TTC23L: variants seen among roughly 807,000 people sequenced by gnomAD.
The protein encoded by TTC23L is tetratricopeptide repeat protein 23-like.
TTC23L carries 42 observed loss-of-function variants against 48.1 expected under a neutral mutation model. That is an observed-to-expected ratio of 0.87 (90% confidence interval 0.68 to 1.13). The LOEUF is 1.13. Among genes scored for constraint, TTC23L ranks in the 50% most tolerant of loss-of-function variants. The pLI, the probability that TTC23L is intolerant of heterozygous loss-of-function variation, is 0.00. For synonymous variants in TTC23L, 159 were observed against 157.2 expected (o/e 1.01, Z -0.09); for missense variants, 391 against 421.0 (o/e 0.93, Z 0.62).
chr5:34,879,935 G>T (rs1762104987), intron 8 of TTC23L, among the ~76,000 whole-genome samples: 1 of 152,162 alleles, frequency 6.6e-6, no homozygotes, highest in South Asian at 2.1e-4. Flanking sequence ...GGCAGAGGTT[G>T]CAGTGAGCCG....
At chr5:34,919,312 T>C in the TTC23L span, among the ~76,000 whole-genome samples, 18 of 136,582 alleles carry the variant, frequency 1.3e-4, no homozygotes, top group Admixed American at 1.3e-3. Context: ...TTTGGAACAG[T>C]GGAGTGGCAG....
At chr5:34,870,057 T>G (rs1279708064) in intron 8 of TTC23L, among the ~76,000 whole-genome samples, 2 of 152,054 alleles carry the variant, frequency 1.3e-5, no homozygotes, top group Non-Finnish European at 2.9e-5. Context: ...TAGCTTTTTT[T>G]TAAGTGAGAA....
chr5:34,894,244 AAT>A (rs1327974551), intron 9 of TTC23L, among the ~76,000 whole-genome samples: 3 of 152,306 alleles, frequency 2.0e-5, no homozygotes, highest in Non-Finnish European at 4.4e-5. Context: ...TACATACATA[AAT>A]ATATCTTTTA....
intron 8 of TTC23L, among the ~76,000 whole-genome samples, chr5:34,875,200 T>G (rs1414740452): frequency 6.6e-6 from 1 of 152,154 alleles, no homozygotes; most frequent in East Asian, 1.9e-4. Context: ...TCAAAATATT[T>G]GAGGCAAAAA....
intron 4 of TTC23L, among the ~76,000 whole-genome samples, chr5:34,856,736 G>A (rs533071108): frequency 3.9e-5 from 6 of 152,332 alleles, no homozygotes; most frequent in African/African-American, 1.2e-4. Flanking sequence ...GGTTTATAAA[G>A]GAGAAGCAGG....
chr5:34,904,326 T>G (rs1205683955), downstream of TTC23L, among the ~76,000 whole-genome samples: 1 of 151,032 alleles, frequency 6.6e-6, no homozygotes, highest in Non-Finnish European at 1.5e-5. Context: ...CTGGGTGTGG[T>G]GGCTCACACC....
At chr5:34,862,417 T>G (rs1760740600) in intron 4 of TTC23L, among the ~76,000 whole-genome samples, 1 of 152,214 alleles carries the variant, frequency 6.6e-6, no homozygotes, top group African/African-American at 2.4e-5. Flanking sequence ...ATAACCTACT[T>G]TGGTCCTGGA....
At chr5:34,889,833 TTTTTG>T (rs1762748389) in intron 9 of TTC23L, among the ~76,000 whole-genome samples, 1 of 149,990 alleles carries the variant, frequency 6.7e-6, no homozygotes, top group African/African-American at 2.4e-5. Flanking sequence ...GTGGGGTTTT[TTTTTG>T]TTTTTGTTTT....
At chr5:34,919,290 A>G in the TTC23L span, among the ~76,000 whole-genome samples, 1 of 150,598 alleles carries the variant, frequency 6.6e-6, no homozygotes, top group African/African-American at 2.4e-5. Context: ...AAAAAAAAAA[A>G]AAAAAAAAAA....
At chr5:34,844,285 A>G (rs1179661179) in intron 2 of TTC23L, among the ~76,000 whole-genome samples, 2 of 151,430 alleles carry the variant, frequency 1.3e-5, no homozygotes, top group Non-Finnish European at 2.9e-5. Flanking sequence ...TTGCTTCCCT[A>G]TCTACACAAC....
intron 8 of TTC23L, among the ~76,000 whole-genome samples, chr5:34,879,711 T>G (rs1488516449): frequency 2.6e-5 from 4 of 152,044 alleles, no homozygotes; most frequent in Non-Finnish European, 5.9e-5. Context: ...TAAATCACAT[T>G]TTAGGGCTCG....
intron 1 of TTC23L, among the ~76,000 whole-genome samples, chr5:34,839,931 G>A (rs1325868574): frequency 6.6e-6 from 1 of 152,102 alleles, no homozygotes; most frequent in African/African-American, 2.4e-5. Flanking sequence ...ATTTTGAGAC[G>A]GAGTCTCGCT....
downstream of TTC23L, among the ~76,000 whole-genome samples, chr5:34,901,556 A>C (rs1294602120): frequency 2.0e-5 from 3 of 152,186 alleles, no homozygotes; most frequent in South Asian, 6.2e-4. Flanking sequence ...TGAGGTCAGG[A>C]GTTTGAGACC....
At chr5:34,896,188 T>C (rs937954948) in intron 9 of TTC23L, among the ~76,000 whole-genome samples, 1 of 152,184 alleles carries the variant, frequency 6.6e-6, no homozygotes. Context: ...GTGTACCTTA[T>C]CTTTAGCAGA....
chr5:34,914,832 G>A, the TTC23L span: 18 of 1,614,224 alleles, frequency 1.1e-5, no homozygotes, highest in South Asian at 1.6e-4. Context: ...ACGTTGTCAA[G>A]GCTGGCCACA....
chr5:34,886,385 G>A (rs905348653), intron 9 of TTC23L, among the ~76,000 whole-genome samples: 9 of 105,906 alleles, frequency 8.5e-5, no homozygotes, highest in Admixed American at 6.0e-4. Flanking sequence ...AAAAAAAAAC[G>A]TTTTATCCCT....
At chr5:34,849,392 T>A (rs998270626) in intron 3 of TTC23L, among the ~76,000 whole-genome samples, 4 of 152,068 alleles carry the variant, frequency 2.6e-5, no homozygotes, top group African/African-American at 9.7e-5. Flanking sequence ...GAACAGAGAA[T>A]GGAGGGACAT....
intron 9 of TTC23L, among the ~76,000 whole-genome samples, chr5:34,890,313 C>T (rs1762787606): frequency 1.3e-5 from 2 of 151,610 alleles, no homozygotes; most frequent in Middle Eastern, 3.4e-3. Flanking sequence ...GGTGTGGTGG[C>T]ATGTGCCTGT....
intron 4 of TTC23L, among the ~76,000 whole-genome samples, chr5:34,852,744 T>C (rs1759778212): frequency 6.6e-6 from 1 of 152,068 alleles, no homozygotes; most frequent in African/African-American, 2.4e-5. Context: ...TGGTGGGGTG[T>C]ATTAGTCTGT....
Sources: gnomAD v4.1 joint callset for allele counts (sites outside exome capture counted in the v4.1 genomes callset) on GRCh38, gnomAD v4.1.1 for gene constraint, MANE v1.5 for transcripts, NCBI Gene and HGNC (gene_info 2026-07-23, HGNC 2026-07-21) for gene names.